Variants in ASCC3 observed in about 807,000 individuals in gnomAD.
ASCC3 encodes the protein activating signal cointegrator 1 complex subunit 3.
Under a neutral mutation model 256.3 loss-of-function variants are expected in ASCC3, and 158 were observed. The ratio of observed to expected loss-of-function variants is 0.62; its 90% CI spans 0.54 to 0.70. The LOEUF is 0.70. Among genes scored for constraint, ASCC3 ranks in the 30% least tolerant of loss-of-function variants. ASCC3 has a pLI of 0.00. For missense variants in ASCC3, 2,259 were observed against 2,626.0 expected, an observed-to-expected ratio of 0.86 and a Z score of 3.05; for synonymous variants, 948 against 883.4, an observed-to-expected ratio of 1.07 and a Z score of -1.30.
rs1779171432 is a variant in ASCC3 at position 100,718,164 on chromosome 6, T to C, written c.1990A>G (p.Asn664Asp). Residue 664 changes from asparagine (N) to aspartate (D), a missense_variant, in exon 12 of 42, where the codon AAT becomes GAT. Transcript: ENST00000369162. ...AAGAAGAAAAGTCCAATGTATGGATTAACATGTAAAAATGTGGCAACATCG... is the reference window on the plus strand; with the variant it reads ...AAGAAGAAAAGTCCAATGTATGGATCAACATGTAAAAATGTGGCAACATCG... ...YLDVATFLHV[N>D]PYIGLFFFDG... 3.1e-6 allele frequency: 5 copies of C among 1,613,584 alleles called. No individual in the cohort carries two copies. Among genetic ancestry groups the C allele is most frequent in the Non-Finnish European group, 3.4e-6 (4 of 1,179,756 alleles).
chr6:100,811,506 C>T (rs1770467598), intron 4 of ASCC3, among the ~76,000 whole-genome samples: 1 of 151,942 alleles, frequency 6.6e-6, no homozygotes, highest in African/African-American at 2.4e-5. Flanking sequence ...AGTAGAGAAA[C>T]TTAAAAATAT....
At chr6:100,683,604 C>T (rs1044674347) in intron 13 of ASCC3, among the ~76,000 whole-genome samples, 1 of 151,908 alleles carries the variant, frequency 6.6e-6, no homozygotes, top group East Asian at 1.9e-4. Flanking sequence ...AGTAATAGGA[C>T]AGCATTGTTT....
intron 8 of ASCC3, among the ~76,000 whole-genome samples, chr6:100,786,640 C>T (rs542411807): frequency 2.0e-5 from 3 of 152,200 alleles, no homozygotes; most frequent in South Asian, 4.1e-4. Context: ...CTAAAAATGA[C>T]ATTTTCATTG....
At chr6:100,662,237 C>G (rs1323072770) in intron 15 of ASCC3, 108 bp downstream of exon 15, 1 of 1,253,738 alleles carries the variant, frequency 8.0e-7, no homozygotes, top group Non-Finnish European at 1.1e-6. Flanking sequence ...AAATAACATT[C>G]AAAGTCAAGG....
intron 12 of ASCC3, among the ~76,000 whole-genome samples, chr6:100,716,044 A>G (rs1779073354): frequency 6.6e-6 from 1 of 151,830 alleles, no homozygotes; most frequent in Admixed American, 6.6e-5. Context: ...GTTGCTATTC[A>G]GAATGCTTCT....
intron 10 of ASCC3, among the ~76,000 whole-genome samples, chr6:100,742,642 T>C (rs967493106): frequency 2.0e-5 from 3 of 152,220 alleles, no homozygotes; most frequent in African/African-American, 7.2e-5. Flanking sequence ...AGAAGCAGTC[T>C]GGCCATGGTC....
chr6:100,805,152 T>C lies in ASCC3; in HGVS notation c.922+608A>G, dbSNP rs572292675. Reference sequence around the variant, plus strand: ...ACAACTTACTACATAACAGCTGTCATTTTACAGTTAAAGAACCATTAGAAT... The same window carrying C: ...ACAACTTACTACATAACAGCTGTCACTTTACAGTTAAAGAACCATTAGAAT... On this transcript the variant is annotated intron_variant, in intron 5 of 41. Coordinates refer to ENST00000369162, the MANE Select transcript of ASCC3 (RefSeq NM_006828.4). 7.2e-5 allele frequency among the ~76,000 whole-genome samples: 11 copies of C among 152,292 alleles called. No individual in the cohort carries two copies. In the South Asian group the frequency reaches 2.3e-3, roughly 32 times the overall value.
intron 8 of ASCC3, among the ~76,000 whole-genome samples, chr6:100,774,451 C>T (rs574157115): frequency 1.3e-3 from 191 of 152,134 alleles, no homozygotes; most frequent in African/African-American, 4.5e-3. Flanking sequence ...CGGCAACCTC[C>T]GCCTCCCAGG....
At position 100,625,132 on chromosome 6, in the gene ASCC3, C is replaced by T. The variant is rs1582585743; in HGVS notation, c.4785+60G>A. On this transcript the variant is annotated intron_variant, in intron 30 of 41. Transcript: ENST00000369162. ...ATAATACAATTACATATGTAATGAT[C>T]ATTCTAATATAATACAACCTGAAAC... 9 of 1,581,416 alleles carry T rather than the reference C, an allele frequency of 5.7e-6. No homozygotes were observed. The East Asian group carries it at 1.6e-4, about 28-fold the overall frequency.
chr6:100,743,553 C>T (rs571247664), intron 10 of ASCC3, among the ~76,000 whole-genome samples: 100 of 152,132 alleles, frequency 6.6e-4, no homozygotes, highest in Non-Finnish European at 1.3e-3. Flanking sequence ...CTGAGGTCTC[C>T]TGGCTTAATT....
intron 10 of ASCC3, among the ~76,000 whole-genome samples, chr6:100,762,593 T>C (rs1361609758): frequency 6.6e-6 from 1 of 152,212 alleles, no homozygotes; most frequent in Non-Finnish European, 1.5e-5. Flanking sequence ...CAAAAAGGTA[T>C]TTGTTGTCTA....
At chr6:100,516,488 A>G (rs1774036188) in intron 38 of ASCC3, among the ~76,000 whole-genome samples, 161 bp from the exon 39 acceptor site, 1 of 152,172 alleles carries the variant, frequency 6.6e-6, no homozygotes, top group East Asian at 1.9e-4. Context: ...CATTCTGTAT[A>G]GGATAACAGC....
intron 36 of ASCC3, among the ~76,000 whole-genome samples, chr6:100,549,207 G>A (rs1769171356): frequency 6.6e-6 from 1 of 151,860 alleles, no homozygotes; most frequent in Admixed American, 6.6e-5. Context: ...TGCAAAAATA[G>A]TTTCAACAGA....
chr6:100,748,606 A>C (rs1185100904), intron 10 of ASCC3, among the ~76,000 whole-genome samples: 1 of 152,034 alleles, frequency 6.6e-6, no homozygotes, highest in East Asian at 1.9e-4. Context: ...ACACAGTTGA[A>C]TCACCTCAAA....
At chr6:100,767,859 G>A (rs186345229) in intron 8 of ASCC3, among the ~76,000 whole-genome samples, 117 of 151,338 alleles carry the variant, frequency 7.7e-4, no homozygotes, top group African/African-American at 2.4e-3. Context: ...CTCGTGATCC[G>A]CCCACCTAGG....
chr6:100,762,932 T>C (rs1037171078), intron 10 of ASCC3, among the ~76,000 whole-genome samples: 5 of 152,100 alleles, frequency 3.3e-5, no homozygotes, highest in African/African-American at 1.2e-4. Flanking sequence ...CGGAGAAAGT[T>C]AGAAAAAATC....
chr6:100,854,626 C>T (rs567167944), intron 3 of ASCC3, among the ~76,000 whole-genome samples: 11 of 152,228 alleles, frequency 7.2e-5, no homozygotes, highest in South Asian at 2.1e-4. Flanking sequence ...TATGTACATT[C>T]GTTACAAAAT....
At chr6:100,817,152 AACT>A (rs1770791855) in intron 4 of ASCC3, among the ~76,000 whole-genome samples, 1 of 152,036 alleles carries the variant, frequency 6.6e-6, no homozygotes. Context: ...TATGTTTTCC[AACT>A]ACAATGGAAT....
intron 8 of ASCC3, among the ~76,000 whole-genome samples, chr6:100,771,126 A>G (rs1340533665): frequency 6.6e-6 from 1 of 152,156 alleles, no homozygotes; most frequent in Non-Finnish European, 1.5e-5. Flanking sequence ...AAATAAATCC[A>G]CACATATTTG....
Sources: gnomAD v4.1 joint callset for allele counts (sites outside exome capture counted in the v4.1 genomes callset) on GRCh38, gnomAD v4.1.1 for gene constraint, MANE v1.5 for transcripts, NCBI Gene and HGNC (gene_info 2026-07-23, HGNC 2026-07-21) for gene names.